The following MAN2A1 variants were observed in gnomAD, a reference collection of about 807,000 sequenced individuals.
MAN2A1 encodes alpha-mannosidase 2.
In MAN2A1, 76 loss-of-function variants were observed where a neutral mutation model predicts 142.6. The ratio of observed to expected loss-of-function variants is 0.53; its 90% CI spans 0.44 to 0.65. The LOEUF (loss-of-function observed/expected upper bound fraction) is 0.65. Ranked by LOEUF, MAN2A1 falls within the 30% of genes least tolerant of loss-of-function variation. MAN2A1 has a pLI of 0.00. For synonymous variants in MAN2A1, 559 were observed against 473.2 expected (o/e 1.18, Z -2.35); for missense variants, 1,311 against 1,365.1 (o/e 0.96, Z 0.62).
intron 12 of MAN2A1, among the ~76,000 whole-genome samples, chr5:109,816,124 G>T (rs1754450780): frequency 6.6e-6 from 1 of 152,198 alleles, no homozygotes; most frequent in Non-Finnish European, 1.5e-5. Context: ...GCAGAGTTAT[G>T]CTAGTAAGAA....
At chr5:109,829,202 A>C (rs149476093) in intron 16 of MAN2A1, among the ~76,000 whole-genome samples, 15 of 152,326 alleles carry the variant, frequency 9.8e-5, no homozygotes, top group African/African-American at 3.6e-4. Flanking sequence ...TATTAAGTAA[A>C]ATGAGTGCCC....
At position 109,867,074 on chromosome 5, in the gene MAN2A1, A is replaced by C; in HGVS notation, c.*76A>C. On this transcript the variant is annotated 3_prime_UTR_variant, in exon 22 of 22. Transcript: ENST00000261483. ...GGTTTGACGTGCAATAAAGAAGCAC[A>C]TTATTTTAGCTTCTGGCTACTGTGA... The C allele has an allele frequency of 4.1e-6, 5 of 1,229,132 alleles. No homozygotes were observed. The highest frequency in any genetic ancestry group is 5.6e-6 in the Non-Finnish European group (5 of 896,388). The allele number at this position is 1,229,132 out of a possible 1,614,324, so 76.1% of individuals were successfully genotyped here. A position where few individuals can be genotyped will look rare whatever the true frequency, so the allele number is the denominator to read the frequency against.
At chr5:109,776,238 A>G (rs1753288408) in intron 8 of MAN2A1, among the ~76,000 whole-genome samples, 1 of 152,128 alleles carries the variant, frequency 6.6e-6, no homozygotes. Flanking sequence ...CTGATGGTGA[A>G]CTATAGTTTA....
chr5:109,771,126 A>G (rs909009460), intron 7 of MAN2A1, among the ~76,000 whole-genome samples: 1 of 152,172 alleles, frequency 6.6e-6, no homozygotes, highest in Non-Finnish European at 1.5e-5. Context: ...TTTAGAAGAA[A>G]ATTGTGCTAA....
intron 6 of MAN2A1, among the ~76,000 whole-genome samples, chr5:109,769,550 AC>A (rs1374922854): frequency 1.3e-5 from 2 of 152,208 alleles, no homozygotes; most frequent in Admixed American, 6.5e-5. Context: ...GCTTTTAACT[AC>A]TAGGTAGGTC....
Position 109,690,462 on chromosome 5 carries a change from C to T in MAN2A1, c.45C>T (p.Phe15=), listed in dbSNP as rs1321688357. Residue 15 remains phenylalanine (F), a synonymous_variant, in exon 1 of 22, where the codon TTC becomes TTT. Coordinates refer to ENST00000261483, the MANE Select transcript of MAN2A1 (RefSeq NM_002372.4). ...RQFTVFGSAI[F]CVVIFSLYLM... ...TCACCGTGTTCGGCAGTGCGATCTT[C>T]TGTGTGGTGATTTTCTCGCTCTACC... The T allele has an allele frequency of 6.2e-7, 1 of 1,613,954 alleles. No homozygotes were observed. Among genetic ancestry groups the T allele is most frequent in the Non-Finnish European group, 8.5e-7 (1 of 1,179,954 alleles).
chr5:109,787,338 G>A, intron 10 of MAN2A1, among the ~76,000 whole-genome samples: 1 of 152,002 alleles, frequency 6.6e-6, no homozygotes, highest in East Asian at 1.9e-4. Context: ...AACCATAACA[G>A]CAAACTAAGA....
chr5:109,797,185 G>A (rs573082163), intron 12 of MAN2A1, among the ~76,000 whole-genome samples: 1 of 152,222 alleles, frequency 6.6e-6, no homozygotes, highest in East Asian at 1.9e-4. Context: ...TTAAAAAATA[G>A]GGTGCAGCAT....
At chr5:109,820,141 G>T in intron 14 of MAN2A1, 79 bp from the exon 15 acceptor site, 2 of 1,264,848 alleles carry the variant, frequency 1.6e-6, no homozygotes, top group Admixed American at 2.2e-5. Context: ...TTTTTAAATT[G>T]TCATATACAT....
intron 16 of MAN2A1, among the ~76,000 whole-genome samples, chr5:109,824,972 A>C (rs1754719259): frequency 6.6e-6 from 1 of 152,210 alleles, no homozygotes; most frequent in Non-Finnish European, 1.5e-5. Context: ...GATTCATAGG[A>C]TGAATCAAGA....
At chr5:109,804,761 C>T (rs1251996612) in intron 12 of MAN2A1, among the ~76,000 whole-genome samples, 2 of 152,112 alleles carry the variant, frequency 1.3e-5, no homozygotes, top group Non-Finnish European at 2.9e-5. Flanking sequence ...CTCTATTCAC[C>T]TGGAAACCTC....
At position 109,808,137 on chromosome 5, in the gene MAN2A1, G is replaced by A. The variant is rs148567370; in HGVS notation, c.1944-9136G>A. Among the ~76,000 whole-genome samples, 569 of 152,228 alleles carry A rather than the reference G, an allele frequency of 3.7e-3. 4 individuals carry two copies. Among genetic ancestry groups the A allele is most frequent in the African/African-American group, 0.013 (548 of 41,536 alleles). ...TGCACTTTACTGTGTAGCGTCTAGT[G>A]GTAGTGGCCTGTATATCTTGAAAAT... is the stretch of plus-strand genomic sequence containing the variant. On this transcript the variant is annotated intron_variant, in intron 12 of 21. Transcript: ENST00000261483.
chr5:109,767,160 T>C (rs1291343924), intron 5 of MAN2A1, among the ~76,000 whole-genome samples: 2 of 152,156 alleles, frequency 1.3e-5, no homozygotes, highest in Admixed American at 6.5e-5. Flanking sequence ...AGTTCCAGAG[T>C]TATCCAGCTC....
chr5:109,726,102 A>G (rs1207911158), intron 3 of MAN2A1, among the ~76,000 whole-genome samples: 1 of 152,116 alleles, frequency 6.6e-6, no homozygotes. Flanking sequence ...CCCTCGTTCA[A>G]TTTTCAGGGA....
intron 4 of MAN2A1, among the ~76,000 whole-genome samples, chr5:109,731,292 A>G (rs1252840807): frequency 1.3e-5 from 2 of 151,862 alleles, no homozygotes; most frequent in East Asian, 3.9e-4. Context: ...CAATTGACCA[A>G]TCAATTTTAA....
intron 17 of MAN2A1, among the ~76,000 whole-genome samples, chr5:109,842,823 T>G (rs1755245084): frequency 1.3e-5 from 2 of 149,034 alleles, no homozygotes; most frequent in Non-Finnish European, 3.0e-5. Context: ...TTTTTTTTTT[T>G]GAGAAAGAGT....
chr5:109,735,892 T>TTC, intron 4 of MAN2A1, among the ~76,000 whole-genome samples: 1 of 148,982 alleles, frequency 6.7e-6, no homozygotes, highest in East Asian at 2.0e-4. Flanking sequence ...TTTTTTTTTT[T>TTC]TTTTTTTCCC....
At chr5:109,852,512 CAAG>C (rs1017040409) in intron 19 of MAN2A1, among the ~76,000 whole-genome samples, 25 of 152,074 alleles carry the variant, frequency 1.6e-4, no homozygotes, top group Non-Finnish European at 1.3e-4. Flanking sequence ...TAAAGGGCAC[CAAG>C]AAGTCTGGCA....
At chr5:109,800,531 T>G (rs1192522665) in intron 12 of MAN2A1, among the ~76,000 whole-genome samples, 1 of 151,974 alleles carries the variant, frequency 6.6e-6, no homozygotes, top group Non-Finnish European at 1.5e-5. Context: ...GACGTGCATT[T>G]CAGCTTTGTT....
Sources: allele counts gnomAD v4.1 joint callset (sites outside exome capture counted in the v4.1 genomes callset), GRCh38; gene constraint gnomAD v4.1.1; transcripts MANE v1.5; gene names NCBI Gene and HGNC (gene_info 2026-07-23, HGNC 2026-07-21).